Variants in DNAJC1 observed in about 807,000 individuals in gnomAD.
DNAJC1 encodes the protein DnaJ heat shock protein family (Hsp40) member C1, also known as dnaJ homolog subfamily C member 1.
DNAJC1 carries 58 observed loss-of-function variants against 76.6 expected under a neutral mutation model. The ratio of observed to expected loss-of-function variants is 0.76; its 90% CI spans 0.61 to 0.94. The LOEUF (loss-of-function observed/expected upper bound fraction) is 0.94, where lower values mean the gene tolerates loss of function less well. Ranked by LOEUF, DNAJC1 falls within the 40% of genes least tolerant of loss-of-function variation. DNAJC1 has a pLI of 0.00. For missense variants in DNAJC1, 689 were observed against 677.3 expected, an observed-to-expected ratio of 1.02 and a Z score of -0.19; for synonymous variants, 258 against 267.9, an observed-to-expected ratio of 0.96 and a Z score of 0.36.
chr10:21,942,363 A>G (rs1314282776), intron 1 of DNAJC1, among the ~76,000 whole-genome samples: 1 of 152,224 alleles, frequency 6.6e-6, no homozygotes, highest in African/African-American at 2.4e-5. Context: ...AGAACTTGAT[A>G]AAAACAATCA....
chr10:21,892,222 C>T (rs1836472923), intron 7 of DNAJC1, among the ~76,000 whole-genome samples: 1 of 151,038 alleles, frequency 6.6e-6, no homozygotes, highest in African/African-American at 2.4e-5. Context: ...CACAGGGAGG[C>T]AGAAAGAAGA....
chr10:21,839,169 C>G (rs1488957131), intron 8 of DNAJC1, among the ~76,000 whole-genome samples: 1 of 152,016 alleles, frequency 6.6e-6, no homozygotes, highest in African/African-American at 2.4e-5. Flanking sequence ...AAATTGACAC[C>G]CTAACATCAC....
intron 1 of DNAJC1, among the ~76,000 whole-genome samples, chr10:21,939,594 A>T (rs1021761007): frequency 6.6e-6 from 1 of 152,190 alleles, no homozygotes; most frequent in Non-Finnish European, 1.5e-5. Context: ...TGCAGTATTT[A>T]GTAACATGTT....
At chr10:21,771,068 A>G (rs1175435688) in intron 9 of DNAJC1, among the ~76,000 whole-genome samples, 1 of 152,136 alleles carries the variant, frequency 6.6e-6, no homozygotes, top group African/African-American at 2.4e-5. Flanking sequence ...GCAATTATGA[A>G]TGTCATTAAT....
chr10:21,874,805 C>CA (rs1387200857), intron 8 of DNAJC1, among the ~76,000 whole-genome samples: 2 of 152,236 alleles, frequency 1.3e-5, no homozygotes, highest in Admixed American at 6.5e-5. Flanking sequence ...TACATTTCAA[C>CA]AAAAATGTTA....
chr10:21,879,397 G>A (rs1349188318), intron 8 of DNAJC1, among the ~76,000 whole-genome samples: 1 of 152,164 alleles, frequency 6.6e-6, no homozygotes, highest in East Asian at 1.9e-4. Flanking sequence ...GCTGAGACAG[G>A]CGGATCACTT....
At chr10:21,858,951 A>C in intron 8 of DNAJC1, among the ~76,000 whole-genome samples, 1 of 152,218 alleles carries the variant, frequency 6.6e-6, no homozygotes, top group East Asian at 1.9e-4. Flanking sequence ...TAGATTTAAA[A>C]TATTTAACTA....
chr10:21,833,892 A>G (rs1835403139), intron 8 of DNAJC1, among the ~76,000 whole-genome samples: 1 of 152,222 alleles, frequency 6.6e-6, no homozygotes, highest in African/African-American at 2.4e-5. Flanking sequence ...ATTAAGTGGC[A>G]CAGAAATGTG....
intron 9 of DNAJC1, among the ~76,000 whole-genome samples, chr10:21,791,080 T>C (rs1834680389): frequency 6.6e-6 from 1 of 152,154 alleles, no homozygotes; most frequent in Non-Finnish European, 1.5e-5. Context: ...GACATAGCTA[T>C]ATTTATATCA....
chr10:21,923,509 C>T (rs1564828608), intron 3 of DNAJC1, among the ~76,000 whole-genome samples: 1 of 151,832 alleles, frequency 6.6e-6, no homozygotes, highest in Non-Finnish European at 1.5e-5. Flanking sequence ...GGGATTCATA[C>T]AAACTGTTCT....
At chr10:21,819,431 T>G (rs535837109) in intron 8 of DNAJC1, among the ~76,000 whole-genome samples, 1 of 151,980 alleles carries the variant, frequency 6.6e-6, no homozygotes, top group East Asian at 1.9e-4. Context: ...GGACATGCAG[T>G]AGTCTACTAG....
intron 8 of DNAJC1, among the ~76,000 whole-genome samples, chr10:21,849,573 T>TA (rs1408814619): frequency 6.6e-6 from 1 of 151,898 alleles, no homozygotes; most frequent in East Asian, 1.9e-4. Flanking sequence ...TTCAAAATCT[T>TA]AAAAAATCTG....
intron 1 of DNAJC1, among the ~76,000 whole-genome samples, chr10:21,967,621 C>T (rs1837914099): frequency 6.6e-6 from 1 of 152,158 alleles, no homozygotes; most frequent in Non-Finnish European, 1.5e-5. Context: ...GGCTAAGACC[C>T]TGTAACAAAG....
intron 8 of DNAJC1, among the ~76,000 whole-genome samples, chr10:21,842,134 T>G (rs1308912604): frequency 1.4e-5 from 2 of 147,796 alleles, no homozygotes; most frequent in African/African-American, 5.0e-5. Context: ...TATTAGGAGA[T>G]ATACCTAATG....
chr10:21,896,836 C>T (rs558086288), intron 7 of DNAJC1, among the ~76,000 whole-genome samples: 13 of 152,156 alleles, frequency 8.5e-5, no homozygotes, highest in Non-Finnish European at 1.6e-4. Context: ...GAGGAAAAGG[C>T]CACTGGGAGG....
chr10:21,916,428 G>A (rs1836957723), intron 6 of DNAJC1, among the ~76,000 whole-genome samples: 1 of 152,142 alleles, frequency 6.6e-6, no homozygotes, highest in Non-Finnish European at 1.5e-5. Flanking sequence ...GGCGGAGCTT[G>A]CAGTGAGCCG....
chr10:21,916,937 T>C (rs1005377464), intron 6 of DNAJC1, among the ~76,000 whole-genome samples: 2 of 152,114 alleles, frequency 1.3e-5, no homozygotes, highest in Non-Finnish European at 1.5e-5. Flanking sequence ...AAATATCAAA[T>C]ATTTCCTTTA....
chr10:21,934,643 C>T (rs1837283016), intron 1 of DNAJC1, among the ~76,000 whole-genome samples: 1 of 152,148 alleles, frequency 6.6e-6, no homozygotes, highest in Non-Finnish European at 1.5e-5. Context: ...CAACTGCCTA[C>T]AGTGTTCAGT....
intron 7 of DNAJC1, among the ~76,000 whole-genome samples, chr10:21,887,189 G>A (rs1411398607): frequency 1.3e-5 from 2 of 152,034 alleles, no homozygotes; most frequent in African/African-American, 2.4e-5. Context: ...CCAGGGAGGT[G>A]AAAGAGTTCT....
Sources: gnomAD v4.1 joint callset for allele counts (sites outside exome capture counted in the v4.1 genomes callset) on GRCh38, gnomAD v4.1.1 for gene constraint, MANE v1.5 for transcripts, NCBI Gene and HGNC (gene_info 2026-07-23, HGNC 2026-07-21) for gene names.